Variants in STK32B observed in about 807,000 individuals in gnomAD.
The protein encoded by STK32B is serine/threonine-protein kinase 32B.
In STK32B, 43 loss-of-function variants were observed where a neutral mutation model predicts 52.6. The ratio of observed to expected loss-of-function variants is 0.82; its 90% CI spans 0.64 to 1.05. The LOEUF (loss-of-function observed/expected upper bound fraction) is 1.05. STK32B is among the 50% of genes least tolerant of loss of function. The pLI is 0.00. For synonymous variants in STK32B, 238 were observed against 204.3 expected, an observed-to-expected ratio of 1.17 and a Z score of -1.41; for missense variants, 621 against 534.6, an observed-to-expected ratio of 1.16 and a Z score of -1.59.
At chr4:5,184,586 G>A (rs1292898415) in intron 3 of STK32B, among the ~76,000 whole-genome samples, 1 of 151,542 alleles carries the variant, frequency 6.6e-6, no homozygotes, top group Admixed American at 6.6e-5. Context: ...TACTTGGGAG[G>A]CTGAGGCAGG....
At chr4:5,384,289 A>G (rs759033145) in intron 4 of STK32B, among the ~76,000 whole-genome samples, 30 of 152,300 alleles carry the variant, frequency 2.0e-4, no homozygotes, top group Admixed American at 3.9e-4. Context: ...GAAAGGGAAG[A>G]TGCAGGAACT....
intron 1 of STK32B, among the ~76,000 whole-genome samples, chr4:5,095,957 C>CA (rs1232315597): frequency 6.6e-6 from 1 of 152,176 alleles, no homozygotes; most frequent in East Asian, 1.9e-4. Context: ...AAGCTGGTTA[C>CA]ACGTGAACTG....
At chr4:5,092,541 A>C (rs1713147048) in intron 1 of STK32B, among the ~76,000 whole-genome samples, 1 of 151,984 alleles carries the variant, frequency 6.6e-6, no homozygotes, top group Non-Finnish European at 1.5e-5. Context: ...TCTCAAAAAA[A>C]AAAAAAAAAG....
At chr4:5,319,513 A>C (rs1032015641) in intron 3 of STK32B, among the ~76,000 whole-genome samples, 2 of 152,276 alleles carry the variant, frequency 1.3e-5, no homozygotes, top group East Asian at 3.9e-4. Context: ...ATCATGACTT[A>C]CAAAGCCCTT....
intron 3 of STK32B, among the ~76,000 whole-genome samples, chr4:5,301,157 A>G (rs1729526452): frequency 1.3e-5 from 2 of 152,072 alleles, no homozygotes; most frequent in South Asian, 4.1e-4. Context: ...TAATGCTTGT[A>G]TATGTTGCTG....
At chr4:5,027,771 A>G in the STK32B span, among the ~76,000 whole-genome samples, 1 of 152,140 alleles carries the variant, frequency 6.6e-6, no homozygotes, top group African/African-American at 2.4e-5. Context: ...GTGTTGAAAG[A>G]TGCACACAGG....
chr4:5,082,146 C>T (rs546045603), intron 1 of STK32B, among the ~76,000 whole-genome samples: 1 of 151,840 alleles, frequency 6.6e-6, no homozygotes, highest in Non-Finnish European at 1.5e-5. Flanking sequence ...GGAGGGATTT[C>T]TTAAGATTGT....
chr4:5,198,020 T>G (rs1721828368), intron 3 of STK32B, among the ~76,000 whole-genome samples: 1 of 152,204 alleles, frequency 6.6e-6, no homozygotes, highest in Non-Finnish European at 1.5e-5. Context: ...GCATGTTAGT[T>G]TTTCTTCAAA....
At chr4:5,159,806 T>TG in intron 2 of STK32B, among the ~76,000 whole-genome samples, 1 of 148,836 alleles carries the variant, frequency 6.7e-6, no homozygotes, top group Non-Finnish European at 1.5e-5. Flanking sequence ...TATGAATATA[T>TG]ATATGTTATT....
intron 3 of STK32B, among the ~76,000 whole-genome samples, chr4:5,316,397 CATATATA>C (rs1179330924): frequency 1.3e-4 from 3 of 23,546 alleles, no homozygotes; most frequent in Non-Finnish European, 1.7e-4. Flanking sequence ...TAATATATTA[CATATATA>C]ATATATAATA....
At chr4:5,321,195 C>G (rs1420534991) in intron 3 of STK32B, among the ~76,000 whole-genome samples, 1 of 151,970 alleles carries the variant, frequency 6.6e-6, no homozygotes, top group Non-Finnish European at 1.5e-5. Flanking sequence ...ATGCCTACAC[C>G]AAAGTGTTGG....
rs566072330 is a variant in STK32B at position 5,255,630 on chromosome 4, C to T, written c.261-75590C>T. ...TGCTATTCCAATCTCTAACACAAGC[C>T]ATCTGCGTAACCTCTTTTTAACTTA... On this transcript the variant is annotated intron_variant, in intron 3 of 11. Coordinates refer to ENST00000282908, the MANE Select transcript of STK32B (RefSeq NM_018401.3). Among the ~76,000 whole-genome samples the T allele has an allele frequency of 4.6e-5, 7 of 152,176 alleles. No individual in the cohort carries two copies. In the East Asian group the frequency reaches 9.7e-4, roughly 21 times the overall value.
At chr4:5,079,752 C>T (rs553129641) in intron 1 of STK32B, among the ~76,000 whole-genome samples, 116 of 152,116 alleles carry the variant, frequency 7.6e-4, no homozygotes, top group Non-Finnish European at 1.5e-3. Flanking sequence ...CCAGCTGGGC[C>T]AGGCCACTGT....
chr4:5,463,040 G>C (rs187546135), intron 9 of STK32B, among the ~76,000 whole-genome samples: 6 of 152,354 alleles, frequency 3.9e-5, no homozygotes, highest in African/African-American at 1.4e-4. Context: ...GTTCTTCACA[G>C]ATCCGATGAG....
chr4:5,247,992 A>G (rs963684363), intron 3 of STK32B, among the ~76,000 whole-genome samples: 12 of 152,120 alleles, frequency 7.9e-5, no homozygotes, highest in Non-Finnish European at 1.5e-4. Context: ...CAGGGCAGCC[A>G]TGGGTTAGCT....
intron 2 of STK32B, among the ~76,000 whole-genome samples, chr4:5,162,308 G>T (rs1718509491): frequency 6.6e-6 from 1 of 152,180 alleles, no homozygotes; most frequent in African/African-American, 2.4e-5. Flanking sequence ...TTGTACTTCA[G>T]CCTTCCCTGG....
intron 3 of STK32B, among the ~76,000 whole-genome samples, chr4:5,277,928 A>G (rs1727939998): frequency 6.6e-6 from 1 of 152,188 alleles, no homozygotes; most frequent in Non-Finnish European, 1.5e-5. Context: ...CATTTGTTCA[A>G]TGAATAAATG....
chr4:5,122,933 C>T (rs748409903), intron 1 of STK32B, among the ~76,000 whole-genome samples: 8 of 152,144 alleles, frequency 5.3e-5, no homozygotes, highest in Non-Finnish European at 2.9e-5. Context: ...CACCCTCAGC[C>T]CCTGCCTTGA....
chr4:5,133,109 CT>C (rs1424733925), intron 1 of STK32B, among the ~76,000 whole-genome samples: 1 of 152,216 alleles, frequency 6.6e-6, no homozygotes, highest in African/African-American at 2.4e-5. Context: ...GAATTTACCA[CT>C]TTCTGCCATT....
Sources: gnomAD v4.1 joint callset for allele counts (sites outside exome capture counted in the v4.1 genomes callset) on GRCh38, gnomAD v4.1.1 for gene constraint, MANE v1.5 for transcripts, NCBI Gene and HGNC (gene_info 2026-07-23, HGNC 2026-07-21) for gene names.